Variants in TBCD observed in about 807,000 individuals in gnomAD.
TBCD encodes the protein tubulin folding cofactor D.
Under a neutral mutation model 169.3 loss-of-function variants are expected in TBCD, and 105 were observed. That is an observed-to-expected ratio of 0.62 (90% CI 0.53 to 0.73). TBCD has a LOEUF of 0.73. TBCD is among the 30% of genes least tolerant of loss of function. The pLI, the probability that TBCD is intolerant of heterozygous loss-of-function variation, is 0.00. For missense variants in TBCD, 1,444 were observed against 1,600.1 expected, an observed-to-expected ratio of 0.90 and a Z score of 1.66; for synonymous variants, 700 against 643.9, an observed-to-expected ratio of 1.09 and a Z score of -1.32.
chr17:82,807,748 C>T (rs1421677712), intron 11 of TBCD, 80 bp downstream of exon 11: 28 of 1,203,180 alleles, frequency 2.3e-5, no homozygotes, highest in Non-Finnish European at 7.6e-6. Context: ...AAATACCCAA[C>T]AGCTTTGGAG....
rs755302623 is a variant in TBCD, at chr17:82,840,953, G to GTTTTTTTTTTTTTTTTTT, written c.1318+26019_1318+26020insTTTTTTTTTTTTTTTTTT. 5.2e-4 allele frequency among the ~76,000 whole-genome samples: 37 copies of GTTTTTTTTTTTTTTTTTT among 70,554 alleles called. 17 individuals carry two copies. Among genetic ancestry groups the GTTTTTTTTTTTTTTTTTT allele is most frequent in the African/African-American group, 1.2e-3 (21 of 17,982 alleles). 46.3% of individuals were successfully genotyped at this position (70,554 alleles called of 152,430 possible). On this transcript the variant is annotated intron_variant, in intron 13 of 38. Transcript: ENST00000355528. ...ACGAGCTGGCCAGGACAGACAAACT[G>GTTTTTTTTTTTTTTTTTT]GTTTTTTTTTTTTTTTTTTTTTTTT...
intron 34 of TBCD, among the ~76,000 whole-genome samples, chr17:82,933,901 C>G (rs932730290): frequency 6.6e-5 from 10 of 152,354 alleles, no homozygotes; most frequent in Non-Finnish European, 7.3e-5. Flanking sequence ...GCGTGAGCCA[C>G]TGAGCCTGGC....
rs1312371239 is a variant in TBCD at position 82,938,030 on chromosome 17, C to T, written c.3282-19C>T. ...GCGCGGGGTGGGGCTCACCTGGAGCCATGTGCTGCTCCCGGCAGGTTCTGC... is the reference window on the plus strand; with the variant it reads ...GCGCGGGGTGGGGCTCACCTGGAGCTATGTGCTGCTCCCGGCAGGTTCTGC... On this transcript the variant is annotated intron_variant, in intron 35 of 38. Coordinates refer to ENST00000355528, the MANE Select transcript of TBCD (RefSeq NM_005993.5). The T allele has an allele frequency of 2.5e-6, 4 of 1,612,490 alleles. No individual in the cohort carries two copies. The highest frequency in any genetic ancestry group is 1.3e-5 in the African/African-American group (1 of 74,912).
intron 21 of TBCD, among the ~76,000 whole-genome samples, chr17:82,908,866 T>C (rs980457576): frequency 2.6e-5 from 4 of 152,252 alleles, no homozygotes; most frequent in African/African-American, 9.6e-5. Flanking sequence ...AGTGTGAGCA[T>C]TCAGTAAATT....
In TBCD at chr17:82,833,712, C is replaced by T. The variant is rs578227737; in HGVS notation, c.1318+18778C>T. Reference sequence around the variant, plus strand: ...AGAGGAGACCAGAGTGAGTAGTATCCGCTTTAGAGATGGTTGGGTCATGGG... The same window carrying T: ...AGAGGAGACCAGAGTGAGTAGTATCTGCTTTAGAGATGGTTGGGTCATGGG... On this transcript the variant is annotated intron_variant, in intron 13 of 38. Coordinates refer to ENST00000355528, the MANE Select transcript of TBCD (RefSeq NM_005993.5). This position sits in a 1 kb window ranked among gnomAD's most constrained non-coding sequence, Gnocchi z 4.7. Among the ~76,000 whole-genome samples the T allele has an allele frequency of 3.6e-4, 55 of 152,218 alleles. 1 individual carries two copies. Among genetic ancestry groups the T allele is most frequent in the African/African-American group, 1.3e-3 (53 of 41,524 alleles).
At chr17:82,766,211 T>A (rs2048008732) in intron 3 of TBCD, 56 bp from the exon 4 acceptor site, 5 of 1,467,720 alleles carry the variant, frequency 3.4e-6, no homozygotes, top group Non-Finnish European at 3.7e-6. Flanking sequence ...AGAAAGGCAA[T>A]TTTGCTGCTC....
At position 82,870,288 on chromosome 17, in the gene TBCD, C is replaced by T; in HGVS notation, c.1383C>T (p.Thr461=). 6.2e-7 allele frequency: 1 copy of T among 1,613,614 alleles called. No homozygotes were observed. The highest frequency in any genetic ancestry group is 8.5e-7 in the Non-Finnish European group (1 of 1,179,886). ...AGCGGGGTGCCTGCAGCGTGGGCAC[C>T]AACGTCAGGGACGCCGCCTGCTACG... ...DEKRGACSVG[T]NVRDAACYVC... Residue 461 remains threonine, a synonymous_variant, in exon 14 of 39, where the codon ACC becomes ACT. Coordinates refer to ENST00000355528, the MANE Select transcript of TBCD (RefSeq NM_005993.5).
At chr17:82,815,158 A>C (rs1045786235) in intron 13 of TBCD, among the ~76,000 whole-genome samples, 1 of 152,186 alleles carries the variant, frequency 6.6e-6, no homozygotes, top group Non-Finnish European at 1.5e-5. Flanking sequence ...AGGTCTGTCT[A>C]CCTTTTTCTC....
Position 82,930,762 on chromosome 17 carries a change from AC to A in TBCD, c.3113+120del. 6.8e-7 allele frequency: 1 copy of A among 1,471,364 alleles called. No homozygotes were observed. The highest frequency in any genetic ancestry group is 9.2e-7 in the Non-Finnish European group (1 of 1,086,776). The allele number at this position is 1,471,364 out of a possible 1,614,324, so 91.1% of individuals were successfully genotyped here. On this transcript the variant is annotated intron_variant, in intron 33 of 38. Transcript: ENST00000355528. This position sits in a 1 kb window ranked among gnomAD's most constrained non-coding sequence, Gnocchi z 5.2. ...TGGGGTCTGAAGGGAGAAGCGAGACACACGCTGTACCAGTTGGTGGCTCAGC... is the reference window on the plus strand; with the variant it reads ...TGGGGTCTGAAGGGAGAAGCGAGACAACGCTGTACCAGTTGGTGGCTCAGC...
chr17:82,857,746 GT>G lies in TBCD; in HGVS notation c.1319-12463del, dbSNP rs11388114. 4.5e-3 allele frequency among the ~76,000 whole-genome samples: 600 copies of G among 132,514 alleles called. 11 individuals are homozygous for G. The highest frequency in any genetic ancestry group is 8.8e-3 in the African/African-American group (311 of 35,224). The allele number at this position is 132,514 out of a possible 152,430, so 86.9% of individuals were successfully genotyped here. On this transcript the variant is annotated intron_variant, in intron 13 of 38. Transcript: ENST00000355528. ...ACAACCTTGCTGCTTGTGTCTCATG[GT>G]TTTTTTTTTTTTTTAATTTAATTTA...
chr17:82,777,196 T>G (rs993957464), intron 6 of TBCD, among the ~76,000 whole-genome samples: 3 of 152,206 alleles, frequency 2.0e-5, no homozygotes, highest in Admixed American at 2.0e-4. Flanking sequence ...TACCGTTTAT[T>G]AAGACAGAAT....
rs781043067 is a variant in TBCD, at chr17:82,832,464, T to C, written c.1318+17530T>C. The C allele has an allele frequency of 6.2e-7, 1 of 1,606,558 alleles. No homozygotes were observed. The highest frequency in any genetic ancestry group is 2.2e-5 in the East Asian group (1 of 44,878). On this transcript the variant is annotated intron_variant, in intron 13 of 38. Coordinates refer to ENST00000355528, the MANE Select transcript of TBCD (RefSeq NM_005993.5). This position sits in a 1 kb window ranked among gnomAD's most constrained non-coding sequence, Gnocchi z 4.9. ...CTTTGAGGAGACTCATTTTCCTCCT[T>C]ATGCCTTGGACTCTGGCTGTCCAGG... is the stretch of plus-strand genomic sequence containing the variant.
chr17:82,834,100 A>G (rs1170682174), intron 13 of TBCD, among the ~76,000 whole-genome samples: 1 of 152,016 alleles, frequency 6.6e-6, no homozygotes, highest in Non-Finnish European at 1.5e-5. Flanking sequence ...GCCCACCACC[A>G]TGCCCAGCTA....
At chr17:82,899,226 C>G in intron 17 of TBCD, among the ~76,000 whole-genome samples, 1 of 146,616 alleles carries the variant, frequency 6.8e-6, no homozygotes, top group Admixed American at 6.8e-5. Flanking sequence ...CAGCATGTGT[C>G]CTCAGCGCAT....
At chr17:82,828,535 C>T (rs551717984) in intron 13 of TBCD, among the ~76,000 whole-genome samples, 17 of 98,936 alleles carry the variant, frequency 1.7e-4, no homozygotes, top group African/African-American at 4.8e-4. Flanking sequence ...ACGTGCACAC[C>T]GGCACAATGG....
chr17:82,752,083 C>T lies in TBCD; in HGVS notation c.-111C>T, dbSNP rs1248894720. 5 of 1,265,066 alleles carry T rather than the reference C, an allele frequency of 4.0e-6. No individual in the cohort carries two copies. The Admixed American group carries it at 2.0e-4, about 50-fold the overall frequency. 78.4% of individuals were successfully genotyped at this position (1,265,066 alleles called of 1,614,324 possible). A position where few individuals can be genotyped will look rare whatever the true frequency, so the allele number is the denominator to read the frequency against. ...GGGCGGGGCCAGCGTCGGTTGCCGC[C>T]TTAGCGGGCGCCTCCTTTTCATCCC... On this transcript the variant is annotated 5_prime_UTR_variant, in exon 1 of 39. Transcript: ENST00000355528.
At chr17:82,909,648 G>A (rs550057058) in intron 22 of TBCD, among the ~76,000 whole-genome samples, 317 of 146,982 alleles carry the variant, frequency 2.2e-3, no homozygotes, top group Non-Finnish European at 3.1e-3. Context: ...CACCCGGCCC[G>A]CTGTGGGAGG....
intron 29 of TBCD, among the ~76,000 whole-genome samples, chr17:82,927,596 G>A (rs1216250645): frequency 6.6e-6 from 1 of 152,158 alleles, no homozygotes; most frequent in Non-Finnish European, 1.5e-5. Flanking sequence ...TCAATGAAAG[G>A]CTGCCGGCTG....
chr17:82,817,067 G>A (rs1004733473), intron 13 of TBCD, among the ~76,000 whole-genome samples: 2 of 152,064 alleles, frequency 1.3e-5, no homozygotes, highest in African/African-American at 4.8e-5. Context: ...TATGTATTCT[G>A]GATATAAGTC....
Sources: allele counts gnomAD v4.1 joint callset (sites outside exome capture counted in the v4.1 genomes callset), GRCh38; gene constraint gnomAD v4.1.1; non-coding constraint Gnocchi (gnomAD v3.1); transcripts MANE v1.5; gene names NCBI Gene and HGNC (gene_info 2026-07-23, HGNC 2026-07-21).